The following SNU13 variants were observed in gnomAD, a reference collection of about 807,000 sequenced individuals.
SNU13 encodes small nuclear ribonucleoprotein 13, also known as NHP2-like protein 1.
A neutral mutation model predicts 12.4 loss-of-function variants in SNU13; 2 were observed. The observed-to-expected ratio is 0.16, with a 90% CI of 0.07 to 0.51. The LOEUF (loss-of-function observed/expected upper bound fraction) is 0.51, where lower values mean the gene tolerates loss of function less well. Ranked by LOEUF, SNU13 falls within the 20% of genes least tolerant of loss-of-function variation. SNU13 has a pLI of 0.96. For missense variants in SNU13, 66 were observed against 157.8 expected (o/e 0.42, Z 3.12); for synonymous variants, 68 against 66.5 (o/e 1.02, Z -0.11).
At chr22:41,682,320 G>A (rs1205841362) in intron 1 of SNU13, 1 of 1,589,872 alleles carries the variant, frequency 6.3e-7, no homozygotes, top group Admixed American at 1.7e-5. Flanking sequence ...CTCTCGGGAG[G>A]TGACCCGGAG....
upstream of SNU13, chr22:41,690,441 C>G (rs767223128): frequency 1.4e-6 from 1 of 721,226 alleles, no homozygotes; most frequent in South Asian, 1.5e-5. Flanking sequence ...TTACCTGCAC[C>G]AAGAGCATGC....
chr22:41,676,847 T>C (rs1218628916), intron 2 of SNU13, among the ~76,000 whole-genome samples: 1 of 152,182 alleles, frequency 6.6e-6, no homozygotes, highest in East Asian at 1.9e-4. Flanking sequence ...GGTTCATCCA[T>C]ATTGGGTACT....
chr22:41,687,578 T>C (rs2068321048), intron 1 of SNU13: 1 of 152,224 alleles, frequency 6.6e-6, no homozygotes, highest in Non-Finnish European at 1.5e-5. Context: ...TTTCAATTTC[T>C]TCAGGGGTTA....
intron 2 of SNU13, among the ~76,000 whole-genome samples, chr22:41,678,791 C>G (rs1022683203): frequency 6.6e-6 from 1 of 152,166 alleles, no homozygotes; most frequent in Non-Finnish European, 1.5e-5. Flanking sequence ...AAGAGCACTA[C>G]GACGAGACCC....
chr22:41,675,080 G>A lies in SNU13; in HGVS notation c.240C>T (p.Tyr80=), dbSNP rs759371809. The change falls in exon 3 of 3, where the codon TAC becomes TAT. Residue 80 remains tyrosine (Y), a synonymous_variant. Coordinates refer to ENST00000401959, the MANE Select transcript of SNU13 (RefSeq NM_001003796.2). ...PLLCEDKNVP[Y]VFVRSKQALG... is the part of the protein sequence containing the mutation. Reference sequence around the variant, plus strand: ...GGGCCTGCTTGGAGCGCACAAACACGTAGGGCACATTCTTGTCTTCACACA... The same window carrying A: ...GGGCCTGCTTGGAGCGCACAAACACATAGGGCACATTCTTGTCTTCACACA... The A allele has an allele frequency of 4.4e-5, 71 of 1,614,090 alleles. No homozygotes were observed. Among genetic ancestry groups the A allele is most frequent in the East Asian group, 1.8e-4 (8 of 44,892 alleles).
chr22:41,679,026 G>C (rs1429496017), intron 2 of SNU13, among the ~76,000 whole-genome samples: 2 of 152,322 alleles, frequency 1.3e-5, no homozygotes, highest in East Asian at 3.9e-4. Flanking sequence ...GGGAGGCCAA[G>C]GCAGGCAGAT....
intron 1 of SNU13, chr22:41,682,402 C>T: frequency 1.2e-6 from 2 of 1,613,786 alleles, no homozygotes. Flanking sequence ...GCGAGGATAC[C>T]ACGCGTGTCG....
At chr22:41,685,017 G>A (rs528622930) in intron 1 of SNU13, among the ~76,000 whole-genome samples, 1 of 152,204 alleles carries the variant, frequency 6.6e-6, no homozygotes, top group South Asian at 2.1e-4. Flanking sequence ...TTATCTGGGT[G>A]TGGTGGCAGG....
At chr22:41,686,633 T>C (rs1260237504) in intron 1 of SNU13, among the ~76,000 whole-genome samples, 2 of 146,912 alleles carry the variant, frequency 1.4e-5, no homozygotes, top group Non-Finnish European at 3.0e-5. Flanking sequence ...ACAGTAGGGA[T>C]TTTTTTTTTC....
In SNU13 at chr22:41,674,915, G is replaced by A. The variant is rs369403795; in HGVS notation, c.*18C>T. 1.2e-5 allele frequency: 20 copies of A among 1,605,420 alleles called. No individual in the cohort carries two copies. The highest frequency in any genetic ancestry group is 4.5e-5 in the East Asian group (2 of 44,664). On this transcript the variant is annotated 3_prime_UTR_variant, in exon 3 of 3. Transcript: ENST00000401959. ...CAGGGGGGAAGCTGGCAGGGAGCAC[G>A]TGGCAGAGGCCACAGGTTTAGACTA...
At chr22:41,678,520 T>C (rs1326381112) in intron 2 of SNU13, among the ~76,000 whole-genome samples, 2 of 152,160 alleles carry the variant, frequency 1.3e-5, no homozygotes, top group African/African-American at 4.8e-5. Context: ...ATTAAGTCGC[T>C]GAGACTGAGC....
chr22:41,676,926 T>A (rs978145242), intron 2 of SNU13, among the ~76,000 whole-genome samples: 1 of 152,198 alleles, frequency 6.6e-6, no homozygotes, highest in Non-Finnish European at 1.5e-5. Flanking sequence ...GTCATCTTTT[T>A]CATCTTTTAC....
At chr22:41,685,861 G>A (rs1468598161) in intron 1 of SNU13, among the ~76,000 whole-genome samples, 3 of 151,614 alleles carry the variant, frequency 2.0e-5, no homozygotes, top group Admixed American at 6.6e-5. Flanking sequence ...CCAGCTACTC[G>A]GGAGGCTGAA....
chr22:41,681,011 C>T (rs535206141), intron 1 of SNU13, among the ~76,000 whole-genome samples: 9 of 152,306 alleles, frequency 5.9e-5, no homozygotes, highest in Admixed American at 2.6e-4. Flanking sequence ...TAAATTTGAA[C>T]TTCCGTATTC....
chr22:41,676,063 G>A (rs1004169703), intron 2 of SNU13, among the ~76,000 whole-genome samples: 1 of 151,946 alleles, frequency 6.6e-6, no homozygotes, highest in African/African-American at 2.4e-5. Flanking sequence ...TGCTATACTC[G>A]TCCAAGTCAC....
At chr22:41,675,304 C>A in intron 2 of SNU13, 109 bp from the exon 3 acceptor site, 1 of 1,368,100 alleles carries the variant, frequency 7.3e-7, no homozygotes, top group Non-Finnish European at 1.0e-6. Flanking sequence ...CCTAGACCGG[C>A]CCTGGGATAT....
intron 1 of SNU13, chr22:41,681,196 C>A (rs1365836378): frequency 6.6e-6 from 1 of 152,188 alleles, no homozygotes; most frequent in East Asian, 1.9e-4. Context: ...AATTGCTACA[C>A]CAATATACCA....
intron 1 of SNU13, among the ~76,000 whole-genome samples, 179 bp from the exon 2 acceptor site, chr22:41,680,543 A>T (rs755507364): frequency 6.6e-6 from 1 of 152,196 alleles, no homozygotes; most frequent in African/African-American, 2.4e-5. Context: ...GAAAAAAAGG[A>T]AATACACTAT....
At chr22:41,682,687 T>TA in intron 1 of SNU13, 1 of 655,614 alleles carries the variant, frequency 1.5e-6, no homozygotes, top group Non-Finnish European at 2.2e-6. Flanking sequence ...TCCTCATACA[T>TA]TTATTTATTT....
Sources: gnomAD v4.1 joint callset for allele counts (sites outside exome capture counted in the v4.1 genomes callset) on GRCh38, gnomAD v4.1.1 for gene constraint, MANE v1.5 for transcripts, NCBI Gene and HGNC (gene_info 2026-07-23, HGNC 2026-07-21) for gene names.